Variants in PTPRO observed in about 807,000 individuals in gnomAD.
PTPRO encodes receptor-type tyrosine-protein phosphatase O.
In PTPRO, 62 loss-of-function variants were observed where a neutral mutation model predicts 145.2. That is an observed-to-expected ratio of 0.43 (90% CI 0.35 to 0.53). PTPRO has a LOEUF of 0.53. Among genes scored for constraint, PTPRO ranks in the 20% least tolerant of loss-of-function variants. The pLI is 0.01. For synonymous variants in PTPRO, 565 were observed against 514.7 expected, an observed-to-expected ratio of 1.10 and a Z score of -1.32; for missense variants, 1,345 against 1,482.7, an observed-to-expected ratio of 0.91 and a Z score of 1.53.
intron 18 of PTPRO, among the ~76,000 whole-genome samples, chr12:15,568,775 A>T (rs542330291): frequency 1.3e-5 from 2 of 152,334 alleles, no homozygotes; most frequent in East Asian, 3.9e-4. Flanking sequence ...CCATACTTTT[A>T]TAGATATGCA....
At chr12:15,384,991 C>A (rs986396759) in intron 1 of PTPRO, among the ~76,000 whole-genome samples, 3 of 152,066 alleles carry the variant, frequency 2.0e-5, no homozygotes, top group Non-Finnish European at 4.4e-5. Context: ...ATTTGTGAAC[C>A]AGCAAATGTA....
At chr12:15,496,142 G>T (rs113830985) in intron 2 of PTPRO, among the ~76,000 whole-genome samples, 6,193 of 75,510 alleles carry the variant, frequency 0.082, 230 homozygotes, top group Admixed American at 0.1. Flanking sequence ...TTCTTTTTTT[G>T]TTTTTTTTTT....
At chr12:15,541,656 C>T (rs1943182234) in intron 12 of PTPRO, among the ~76,000 whole-genome samples, 1 of 152,198 alleles carries the variant, frequency 6.6e-6, no homozygotes, top group Admixed American at 6.5e-5. Flanking sequence ...CCTATAAGGA[C>T]ACCAGTCTGA....
chr12:15,344,533 T>C (rs1280533440), intron 1 of PTPRO, among the ~76,000 whole-genome samples: 1 of 152,250 alleles, frequency 6.6e-6, no homozygotes, highest in Non-Finnish European at 1.5e-5. Flanking sequence ...AGATGTGGTA[T>C]ACATTATTGA....
chr12:15,356,821 A>G (rs992586724), intron 1 of PTPRO, among the ~76,000 whole-genome samples: 5 of 152,140 alleles, frequency 3.3e-5, no homozygotes, highest in African/African-American at 1.2e-4. Flanking sequence ...TTTCTCCTCT[A>G]TAACTATTTT....
chr12:15,446,620 T>A (rs1031192986), intron 1 of PTPRO, among the ~76,000 whole-genome samples: 2 of 151,948 alleles, frequency 1.3e-5, no homozygotes, highest in Non-Finnish European at 2.9e-5. Context: ...TAGGGAATGT[T>A]CCTAGTATTA....
chr12:15,363,918 G>A (rs191819789), intron 1 of PTPRO, among the ~76,000 whole-genome samples: 105 of 152,156 alleles, frequency 6.9e-4, no homozygotes, highest in African/African-American at 2.5e-3. Flanking sequence ...GATACTAGCT[G>A]GCATCAGAAT....
chr12:15,448,917 G>A (rs1360271870), intron 1 of PTPRO, among the ~76,000 whole-genome samples: 1 of 151,192 alleles, frequency 6.6e-6, no homozygotes, highest in Non-Finnish European at 1.5e-5. Flanking sequence ...AGACACAGAA[G>A]GACAAATACT....
intron 1 of PTPRO, among the ~76,000 whole-genome samples, chr12:15,426,880 T>C (rs993002901): frequency 6.6e-6 from 1 of 152,046 alleles, no homozygotes; most frequent in Admixed American, 6.6e-5. Flanking sequence ...ATAATCCTAA[T>C]GGGGTATTGA....
At chr12:15,455,339 C>G (rs1367898004) in intron 1 of PTPRO, among the ~76,000 whole-genome samples, 1 of 151,696 alleles carries the variant, frequency 6.6e-6, no homozygotes, top group African/African-American at 2.4e-5. Context: ...CCTGAAATCT[C>G]TGCCTACCTA....
At chr12:15,360,882 ATACACATG>A (rs1938172503) in intron 1 of PTPRO, among the ~76,000 whole-genome samples, 1 of 101,222 alleles carries the variant, frequency 9.9e-6, no homozygotes, top group African/African-American at 3.4e-5. Context: ...ATATACACAC[ATACACATG>A]TGTATATACA....
intron 11 of PTPRO, among the ~76,000 whole-genome samples, chr12:15,525,289 G>A (rs1565684703): frequency 6.6e-6 from 1 of 151,972 alleles, no homozygotes; most frequent in Non-Finnish European, 1.5e-5. Flanking sequence ...ATATATCACC[G>A]ACACCTAAAG....
chr12:15,567,639 T>A (rs1336052980), intron 18 of PTPRO, among the ~76,000 whole-genome samples: 1 of 152,154 alleles, frequency 6.6e-6, no homozygotes, highest in African/African-American at 2.4e-5. Flanking sequence ...AATCCAACTT[T>A]AAGGTCGATA....
chr12:15,386,320 A>G (rs1407995990), intron 1 of PTPRO, among the ~76,000 whole-genome samples: 1 of 152,178 alleles, frequency 6.6e-6, no homozygotes, highest in Non-Finnish European at 1.5e-5. Context: ...GGCTACCAAA[A>G]CTGATCACTC....
At chr12:15,545,292 C>T (rs1316379991) in intron 12 of PTPRO, among the ~76,000 whole-genome samples, 1 of 151,506 alleles carries the variant, frequency 6.6e-6, no homozygotes, top group Non-Finnish European at 1.5e-5. Flanking sequence ...GTCTGACAGG[C>T]GCATATAGGT....
intron 18 of PTPRO, among the ~76,000 whole-genome samples, chr12:15,566,266 A>G (rs1751111725): frequency 1.3e-5 from 2 of 152,116 alleles, no homozygotes; most frequent in Non-Finnish European, 2.9e-5. Context: ...TCCTTTATAT[A>G]GAGTTTGTTC....
At chr12:15,536,622 C>T (rs1457956318) in intron 12 of PTPRO, among the ~76,000 whole-genome samples, 1 of 152,164 alleles carries the variant, frequency 6.6e-6, no homozygotes, top group Non-Finnish European at 1.5e-5. Flanking sequence ...GGCGCATAAC[C>T]TAACGGGTTT....
intron 10 of PTPRO, among the ~76,000 whole-genome samples, chr12:15,522,584 T>A (rs1565682838): frequency 6.6e-6 from 1 of 152,196 alleles, no homozygotes; most frequent in African/African-American, 2.4e-5. Flanking sequence ...AATAAGAATC[T>A]CATGCTTAAC....
intron 9 of PTPRO, chr12:15,517,179 C>T (rs560033989): frequency 5.1e-6 from 3 of 588,558 alleles, no homozygotes; most frequent in Admixed American, 5.4e-5. Flanking sequence ...CTGGGGAAGC[C>T]TCACAATCAT....
Sources: gnomAD v4.1 joint callset for allele counts (sites outside exome capture counted in the v4.1 genomes callset) on GRCh38, gnomAD v4.1.1 for gene constraint, MANE v1.5 for transcripts, NCBI Gene and HGNC (gene_info 2026-07-23, HGNC 2026-07-21) for gene names.